Variants in SOX6 observed in about 807,000 individuals in gnomAD.
The protein encoded by SOX6 is transcription factor SOX-6.
A neutral mutation model predicts 97.8 loss-of-function variants in SOX6; 11 were observed. The ratio of observed to expected loss-of-function variants is 0.11; its 90% CI spans 0.07 to 0.19. The LOEUF (loss-of-function observed/expected upper bound fraction) is 0.19, where lower values mean the gene tolerates loss of function less well. Among genes scored for constraint, SOX6 ranks in the 10% least tolerant of loss-of-function variants. The pLI is 1.00. For synonymous variants in SOX6, 360 were observed against 371.4 expected (o/e 0.97, Z 0.35); for missense variants, 810 against 1,039.5 (o/e 0.78, Z 3.04).
intron 3 of SOX6, among the ~76,000 whole-genome samples, chr11:16,276,576 G>T (rs778530791): frequency 1.3e-5 from 2 of 152,048 alleles, no homozygotes; most frequent in African/African-American, 4.8e-5. Flanking sequence ...ATAATTCTTC[G>T]TCATGCACCA....
chr11:16,269,563 T>G (rs1233603043), intron 3 of SOX6, among the ~76,000 whole-genome samples: 1 of 150,852 alleles, frequency 6.6e-6, no homozygotes, highest in Non-Finnish European at 1.5e-5. Context: ...AGTTGCCCTA[T>G]CCACCAAAAG....
chr11:16,463,919 A>G (rs1210741640), intron 1 of SOX6, among the ~76,000 whole-genome samples: 2 of 152,172 alleles, frequency 1.3e-5, no homozygotes, highest in Non-Finnish European at 2.9e-5. Flanking sequence ...TTTTATCCCT[A>G]AGTTAAATTA....
intron 1 of SOX6, among the ~76,000 whole-genome samples, chr11:16,387,519 G>T (rs1858026120): frequency 6.6e-6 from 1 of 152,022 alleles, no homozygotes; most frequent in South Asian, 2.1e-4. Context: ...CAATATGGTA[G>T]ATTATTCATA....
chr11:16,695,086 C>T (rs115180841), intron 3 of SOX6, among the ~76,000 whole-genome samples: 262 of 152,244 alleles, frequency 1.7e-3, no homozygotes, highest in African/African-American at 5.3e-3. Flanking sequence ...CAATCCCCCA[C>T]GGATACCAAG....
chr11:16,028,105 G>A (rs185820975), intron 12 of SOX6, among the ~76,000 whole-genome samples: 51 of 152,340 alleles, frequency 3.3e-4, no homozygotes, highest in African/African-American at 1.1e-3. Flanking sequence ...TGTGCAAACC[G>A]TGAAGAGGTT....
rs528020438 is a variant in SOX6, at chr11:15,989,126, C to T, written c.1837G>A (p.Gly613Ser). The change falls in exon 14 of 16, where the codon GGC becomes AGC. Residue 613 changes from glycine to serine, a missense_variant. Gly to Ser is a moderately conservative substitution (Grantham distance 56, BLOSUM62 0). Coordinates refer to ENST00000683767, the MANE Select transcript of SOX6 (RefSeq NM_001367873.1). ...ATGTGTGGCTCGCTGCTGGCACGGCCGCGGGCGTCCCTGTAGACTCGTGCT... is the reference window on the plus strand; with the variant it reads ...ATGTGTGGCTCGCTGCTGGCACGGCTGCGGGCGTCCCTGTAGACTCGTGCT... ...AEARVYRDAR[G>S]RASSEPHIKR... 3.7e-6 allele frequency: 6 copies of T among 1,614,160 alleles called. No individual in the cohort carries two copies. In the African/African-American group the frequency reaches 4.0e-5, roughly 11 times the overall value.
In SOX6 at chr11:15,972,687, C is replaced by T; in HGVS notation, c.*122G>A. 2 of 1,091,036 alleles carry T rather than the reference C, an allele frequency of 1.8e-6. No individual in the cohort carries two copies. Among genetic ancestry groups the T allele is most frequent in the South Asian group, 1.3e-5 (1 of 77,442 alleles). 67.6% of individuals were successfully genotyped at this position (1,091,036 alleles called of 1,614,324 possible). ...TTAATCTGTCTCACACTTTACGAAA[C>T]AATTAAGACCATTCTGCTGATGTAA... On this transcript the variant is annotated 3_prime_UTR_variant, in exon 16 of 16. Transcript: ENST00000683767.
chr11:16,516,042 G>T (rs1365767286), intron 4 of SOX6, among the ~76,000 whole-genome samples: 3 of 151,398 alleles, frequency 2.0e-5, no homozygotes, highest in African/African-American at 4.9e-5. Context: ...CTCTTTTTTG[G>T]TTCCATATGA....
chr11:16,213,574 C>T (rs117288700), intron 4 of SOX6, among the ~76,000 whole-genome samples: 3 of 152,168 alleles, frequency 2.0e-5, no homozygotes, highest in Non-Finnish European at 4.4e-5. Context: ...CATTAGCCAT[C>T]AGTGGAGATG....
At chr11:16,608,721 G>A (rs1229141519) in intron 4 of SOX6, among the ~76,000 whole-genome samples, 1 of 152,118 alleles carries the variant, frequency 6.6e-6, no homozygotes, top group Non-Finnish European at 1.5e-5. Context: ...AACAGGACAT[G>A]TACAAATCAC....
intron 3 of SOX6, among the ~76,000 whole-genome samples, chr11:16,702,347 A>G (rs1789091479): frequency 6.6e-6 from 1 of 152,212 alleles, no homozygotes; most frequent in South Asian, 2.1e-4. Flanking sequence ...ATATCAACCT[A>G]TAGAAATAAG....
intron 4 of SOX6, among the ~76,000 whole-genome samples, chr11:16,194,397 T>A (rs1249417111): frequency 6.6e-6 from 1 of 152,218 alleles, no homozygotes; most frequent in Non-Finnish European, 1.5e-5. Flanking sequence ...ATTGCTCCCA[T>A]ATGCTACTGT....
chr11:16,595,188 A>G (rs1848198456), intron 4 of SOX6, among the ~76,000 whole-genome samples: 1 of 150,250 alleles, frequency 6.7e-6, no homozygotes, highest in Admixed American at 6.6e-5. Context: ...AGATTTCATC[A>G]TTTTTTTTTC....
intron 13 of SOX6, among the ~76,000 whole-genome samples, chr11:15,990,523 G>A (rs58520714): frequency 0.08 from 12,096 of 151,628 alleles, 1,008 homozygotes; most frequent in East Asian, 0.37. Flanking sequence ...AAAGTACTTG[G>A]CACATAGGAT....
At chr11:16,232,242 A>G (rs1280454965) in intron 4 of SOX6, among the ~76,000 whole-genome samples, 1 of 151,978 alleles carries the variant, frequency 6.6e-6, no homozygotes, top group Admixed American at 6.6e-5. Flanking sequence ...GAGTTTTGGT[A>G]GCAGTTTACT....
intron 12 of SOX6, among the ~76,000 whole-genome samples, chr11:16,033,268 T>C (rs1369343843): frequency 6.6e-6 from 1 of 152,226 alleles, no homozygotes; most frequent in Non-Finnish European, 1.5e-5. Flanking sequence ...TTATCTTATT[T>C]AATATTTTCC....
In SOX6 at chr11:16,500,438, G is replaced by A. The variant is rs569104443; in HGVS notation, n.610-24050C>T. 5.5e-4 allele frequency among the ~76,000 whole-genome samples: 84 copies of A among 152,204 alleles called. 2 individuals are homozygous for A. In the South Asian group the frequency reaches 0.014, roughly 25 times the overall value. On this transcript the variant is annotated intron_variant and non_coding_transcript_variant, in intron 4 of 5. Coordinates refer to the SOX6 transcript ENST00000524520. ...CCCTCTCCCACCACTCCTATTCAAC[G>A]TAGTGTTGGAAGTTCTAGCCAGGGC... is the stretch of plus-strand genomic sequence containing the variant.
chr11:16,708,117 G>A (rs943145934), intron 3 of SOX6, among the ~76,000 whole-genome samples: 23 of 151,992 alleles, frequency 1.5e-4, no homozygotes, highest in Non-Finnish European at 2.8e-4. Context: ...TTTGGAAAGG[G>A]GAAACAAGTA....
chr11:16,246,596 T>A (rs75128008), intron 3 of SOX6, among the ~76,000 whole-genome samples: 8,712 of 152,030 alleles, frequency 0.057, 303 homozygotes, highest in Non-Finnish European at 0.08. Context: ...ATGTGAGGAA[T>A]CATTTCTATC....
Sources: gnomAD v4.1 joint callset for allele counts (sites outside exome capture counted in the v4.1 genomes callset) on GRCh38, gnomAD v4.1.1 for gene constraint, MANE v1.5 for transcripts, NCBI Gene and HGNC (gene_info 2026-07-23, HGNC 2026-07-21) for gene names.